SH3BGRL2: variants seen among roughly 807,000 people sequenced by gnomAD.
The protein encoded by SH3BGRL2 is SH3 domain binding glutamate rich protein like 2.
SH3BGRL2 carries 21 observed loss-of-function variants against 14.8 expected under a neutral mutation model. That is an observed-to-expected ratio of 1.42 (90% CI 1.01 to 2.05). The LOEUF (loss-of-function observed/expected upper bound fraction) is 2.05. Ranked by LOEUF, SH3BGRL2 falls within the 30% of genes most tolerant of loss-of-function variation. The pLI is 0.00. For synonymous variants in SH3BGRL2, 50 were observed against 47.8 expected (o/e 1.05, Z -0.19); for missense variants, 147 against 130.8 (o/e 1.12, Z -0.61).
intron 2 of SH3BGRL2, among the ~76,000 whole-genome samples, chr6:79,691,405 G>T (rs1770211931): frequency 6.6e-6 from 1 of 150,758 alleles, no homozygotes; most frequent in South Asian, 2.1e-4. Flanking sequence ...TGCACAATGT[G>T]CAGGTTTGTT....
chr6:79,549,690 G>A, the SH3BGRL2 span, among the ~76,000 whole-genome samples: 1 of 152,120 alleles, frequency 6.6e-6, no homozygotes, highest in Admixed American at 6.6e-5. Context: ...ACAAAAATCA[G>A]GGAGGAGGAA....
chr6:79,602,213 G>A, the SH3BGRL2 span, among the ~76,000 whole-genome samples: 59 of 152,134 alleles, frequency 3.9e-4, no homozygotes, highest in African/African-American at 1.3e-3. Flanking sequence ...TTTCAAAAAC[G>A]GTCTGTGCCC....
intron 1 of SH3BGRL2, among the ~76,000 whole-genome samples, chr6:79,652,172 G>A (rs901004570): frequency 3.3e-5 from 5 of 152,154 alleles, no homozygotes; most frequent in Non-Finnish European, 5.9e-5. Context: ...GGACAATATG[G>A]AGGGGATTTT....
the SH3BGRL2 span, among the ~76,000 whole-genome samples, chr6:79,576,641 G>A: frequency 1.3e-5 from 2 of 151,850 alleles, no homozygotes; most frequent in Non-Finnish European, 2.9e-5. Context: ...CAACATTATT[G>A]GGGTATAATT....
chr6:79,577,063 C>T, the SH3BGRL2 span, among the ~76,000 whole-genome samples: 2 of 152,104 alleles, frequency 1.3e-5, no homozygotes, highest in African/African-American at 2.4e-5. Context: ...GTTCTCTTCC[C>T]TCTCTCTGTC....
the SH3BGRL2 span, among the ~76,000 whole-genome samples, chr6:79,592,895 A>C: frequency 3.7e-4 from 57 of 152,326 alleles, no homozygotes; most frequent in African/African-American, 1.3e-3. Context: ...CAGAGCTCAG[A>C]ATAAAATTCA....
intron 1 of SH3BGRL2, among the ~76,000 whole-genome samples, chr6:79,666,230 A>G (rs890703991): frequency 3.3e-5 from 5 of 152,128 alleles, no homozygotes; most frequent in Admixed American, 1.3e-4. Context: ...TGTCACCTCA[A>G]CGTGGAAAGG....
chr6:79,564,574 C>T, the SH3BGRL2 span, among the ~76,000 whole-genome samples: 1 of 152,096 alleles, frequency 6.6e-6, no homozygotes, highest in Non-Finnish European at 1.5e-5. Context: ...TTCCAAAATA[C>T]CTTTCCCTCT....
Position 79,679,278 on chromosome 6 carries a change from T to G in SH3BGRL2, c.231+5479T>G, listed in dbSNP as rs978336584. Among the ~76,000 whole-genome samples, 9 of 152,150 alleles carry G rather than the reference T, an allele frequency of 5.9e-5. 1 individual carries two copies. The highest frequency in any genetic ancestry group is 5.9e-5 in the Non-Finnish European group (4 of 68,026). On this transcript the variant is annotated intron_variant, in intron 2 of 3. Transcript: ENST00000369838. ...TCTGTAGCCCTGCCAGCTTCTGTTGTTTTTTGACCTTTTAATAATGGCCAT... is the reference window on the plus strand; with the variant it reads ...TCTGTAGCCCTGCCAGCTTCTGTTGGTTTTTGACCTTTTAATAATGGCCAT...
the SH3BGRL2 span, among the ~76,000 whole-genome samples, chr6:79,589,870 C>G: frequency 6.6e-6 from 1 of 152,156 alleles, no homozygotes; most frequent in Non-Finnish European, 1.5e-5. Flanking sequence ...CTCCTGGGCT[C>G]AAGTGATCTT....
chr6:79,636,754 T>C (rs1305866422), intron 1 of SH3BGRL2, among the ~76,000 whole-genome samples: 1 of 152,120 alleles, frequency 6.6e-6, no homozygotes, highest in Non-Finnish European at 1.5e-5. Flanking sequence ...CCTTGGCTTG[T>C]AGATGTATCA....
At chr6:79,570,080 A>G in the SH3BGRL2 span, among the ~76,000 whole-genome samples, 1 of 152,206 alleles carries the variant, frequency 6.6e-6, no homozygotes, top group South Asian at 2.1e-4. Flanking sequence ...AAATAACATT[A>G]AAAATAATCC....
intron 2 of SH3BGRL2, among the ~76,000 whole-genome samples, chr6:79,691,540 G>T (rs1445285687): frequency 7.8e-6 from 1 of 128,232 alleles, no homozygotes; most frequent in African/African-American, 3.1e-5. Context: ...GGTGTGTGAC[G>T]TTCCCCTTCC....
chr6:79,697,566 C>T (rs1770359746), intron 3 of SH3BGRL2, among the ~76,000 whole-genome samples: 2 of 152,302 alleles, frequency 1.3e-5, no homozygotes, highest in African/African-American at 4.8e-5. Context: ...CCAGCATCTG[C>T]AGTGCATAGC....
At chr6:79,587,426 T>C in the SH3BGRL2 span, among the ~76,000 whole-genome samples, 1 of 151,974 alleles carries the variant, frequency 6.6e-6, no homozygotes, top group African/African-American at 2.4e-5. Flanking sequence ...GTCCAGAGAC[T>C]AAAAAGCCTA....
chr6:79,561,062 TA>T, the SH3BGRL2 span: 1 of 151,618 alleles, frequency 6.6e-6, no homozygotes, highest in Admixed American at 6.6e-5. Context: ...GTATTTTTAG[TA>T]GAGACAGGGT....
intron 1 of SH3BGRL2, among the ~76,000 whole-genome samples, chr6:79,639,562 C>T (rs1005717803): frequency 6.6e-6 from 1 of 152,110 alleles, no homozygotes; most frequent in Admixed American, 6.5e-5. Context: ...TGCACTCCAG[C>T]CTGGGTGACA....
chr6:79,601,736 T>A, the SH3BGRL2 span, among the ~76,000 whole-genome samples: 8 of 152,326 alleles, frequency 5.3e-5, no homozygotes, highest in South Asian at 1.4e-3. Flanking sequence ...TCACCATTCA[T>A]GTCCGTATTT....
the SH3BGRL2 span, among the ~76,000 whole-genome samples, chr6:79,605,599 A>G: frequency 6.6e-6 from 1 of 152,194 alleles, no homozygotes; most frequent in Non-Finnish European, 1.5e-5. Flanking sequence ...AATTCAATGA[A>G]TGCCTAATTT....
Sources: allele counts gnomAD v4.1 joint callset (sites outside exome capture counted in the v4.1 genomes callset), GRCh38; gene constraint gnomAD v4.1.1; transcripts MANE v1.5; gene names NCBI Gene and HGNC (gene_info 2026-07-23, HGNC 2026-07-21).